Variants in NEGR1 observed in about 807,000 individuals in gnomAD.
NEGR1 encodes the protein IgLON family member 4.
A neutral mutation model predicts 40.9 loss-of-function variants in NEGR1; 10 were observed. The ratio of observed to expected loss-of-function variants is 0.24; its 90% confidence interval spans 0.15 to 0.42. NEGR1 has a LOEUF of 0.42. Ranked by LOEUF, NEGR1 falls within the 10% of genes least tolerant of loss-of-function variation. NEGR1 has a pLI of 1.00. For missense variants in NEGR1, 352 were observed against 438.9 expected (o/e 0.80, Z 1.77); for synonymous variants, 185 against 166.8 (o/e 1.11, Z -0.84).
chr1:72,049,924 G>T (rs889817732), intron 1 of NEGR1, among the ~76,000 whole-genome samples: 1 of 151,574 alleles, frequency 6.6e-6, no homozygotes, highest in Non-Finnish European at 1.5e-5. Flanking sequence ...GTGAAGTAAA[G>T]TACCTGTATT....
intron 1 of NEGR1, among the ~76,000 whole-genome samples, chr1:72,087,456 T>A (rs537481488): frequency 8.9e-4 from 134 of 150,696 alleles, no homozygotes; most frequent in African/African-American, 2.9e-3. Context: ...ATATATATAT[T>A]ATTACTTAAC....
At chr1:71,797,747 A>G (rs1224016405) in intron 2 of NEGR1, among the ~76,000 whole-genome samples, 2 of 152,152 alleles carry the variant, frequency 1.3e-5, no homozygotes, top group East Asian at 3.9e-4. Flanking sequence ...TACATTATAC[A>G]TTAATTTATT....
chr1:72,145,090 A>G (rs1347347583), intron 1 of NEGR1, among the ~76,000 whole-genome samples: 1 of 152,036 alleles, frequency 6.6e-6, no homozygotes, highest in South Asian at 2.1e-4. Flanking sequence ...ATAATAATGA[A>G]TCTGGAGTTT....
At chr1:71,745,879 C>T (rs1385059020) in intron 3 of NEGR1, among the ~76,000 whole-genome samples, 1 of 152,182 alleles carries the variant, frequency 6.6e-6, no homozygotes. Context: ...TCCTGCCTTT[C>T]TGTGTAACAG....
chr1:72,120,649 A>G (rs1438928252), intron 1 of NEGR1, among the ~76,000 whole-genome samples: 1 of 151,852 alleles, frequency 6.6e-6, no homozygotes, highest in African/African-American at 2.4e-5. Flanking sequence ...TCCCAATGCT[A>G]TCCCTCCCCA....
chr1:72,223,501 C>T (rs1341587688), intron 1 of NEGR1, among the ~76,000 whole-genome samples: 1 of 152,154 alleles, frequency 6.6e-6, no homozygotes, highest in Non-Finnish European at 1.5e-5. Context: ...CAGTTCTCTT[C>T]TACATGAAGC....
intron 1 of NEGR1, among the ~76,000 whole-genome samples, chr1:72,264,428 A>G (rs1655569962): frequency 6.6e-6 from 1 of 151,150 alleles, no homozygotes; most frequent in Non-Finnish European, 1.5e-5. Flanking sequence ...TAAAATTTGT[A>G]ATAAATATTT....
chr1:71,432,291 G>T (rs1244157948), intron 6 of NEGR1, among the ~76,000 whole-genome samples: 1 of 152,060 alleles, frequency 6.6e-6, no homozygotes, highest in Non-Finnish European at 1.5e-5. Context: ...ATTAGCAATT[G>T]CTCTTTTTTA....
intron 6 of NEGR1, among the ~76,000 whole-genome samples, chr1:71,449,057 G>A (rs139588364): frequency 1.0e-3 from 152 of 152,236 alleles, no homozygotes; most frequent in African/African-American, 3.3e-3. Flanking sequence ...ACTTTGAGGC[G>A]TGATGACATA....
intron 1 of NEGR1, among the ~76,000 whole-genome samples, chr1:71,989,109 C>T (rs528075415): frequency 2.6e-5 from 4 of 151,902 alleles, no homozygotes; most frequent in South Asian, 4.2e-4. Context: ...TAAATGCCTC[C>T]GGGTTGGTGC....
chr1:72,159,351 A>AC (rs1651473276), intron 1 of NEGR1, among the ~76,000 whole-genome samples: 1 of 152,138 alleles, frequency 6.6e-6, no homozygotes, highest in Admixed American at 6.6e-5. Context: ...TTGATTAAAC[A>AC]CAAGACCCTG....
rs1646212228 is a variant in NEGR1, at chr1:71,396,482, CA to C, written c.*10963del. 6.6e-6 allele frequency: 1 copy of C among 152,196 alleles called. No homozygotes were observed. The highest frequency in any genetic ancestry group is 2.4e-5 in the African/African-American group (1 of 41,454). 9.4% of individuals were successfully genotyped at this position (152,196 alleles called of 1,614,324 possible). A position where few individuals can be genotyped will look rare whatever the true frequency, so the allele number is the denominator to read the frequency against. On this transcript the variant is annotated 3_prime_UTR_variant, in exon 7 of 7. Coordinates refer to ENST00000357731, the MANE Select transcript of NEGR1 (RefSeq NM_173808.3). ...TGATTTTTAAAATTTCCAAAATCAA[CA>C]AATAACAGGTTCTTCTTGAAATGAT...
At chr1:71,884,200 T>C (rs962738070) in intron 2 of NEGR1, among the ~76,000 whole-genome samples, 2 of 152,140 alleles carry the variant, frequency 1.3e-5, no homozygotes, top group African/African-American at 4.8e-5. Context: ...TTCCTCCACT[T>C]GGGTTGTAAG....
At chr1:71,579,474 C>T (rs549018923) in intron 6 of NEGR1, among the ~76,000 whole-genome samples, 1 of 152,066 alleles carries the variant, frequency 6.6e-6, no homozygotes, top group African/African-American at 2.4e-5. Context: ...ACTGGTTAAT[C>T]TTATGTCCCA....
At chr1:71,833,769 T>G (rs1446461334) in intron 2 of NEGR1, among the ~76,000 whole-genome samples, 12 of 152,070 alleles carry the variant, frequency 7.9e-5, no homozygotes, top group Admixed American at 5.9e-4. Flanking sequence ...GTGCCATTCT[T>G]CATGTGCTTA....
chr1:72,253,257 CT>C (rs1466405506), intron 1 of NEGR1, among the ~76,000 whole-genome samples: 1 of 152,108 alleles, frequency 6.6e-6, no homozygotes, highest in African/African-American at 2.4e-5. Flanking sequence ...CATTCTCTCT[CT>C]TTTGGAAATA....
intron 1 of NEGR1, among the ~76,000 whole-genome samples, chr1:72,266,724 A>AC (rs1553155173): frequency 1.2e-4 from 16 of 133,800 alleles, no homozygotes; most frequent in Admixed American, 8.3e-4. Flanking sequence ...TAGACAGATA[A>AC]ACACACACAC....
chr1:72,282,506 C>T lies in NEGR1; in HGVS notation c.-12G>A, dbSNP rs971645719. On this transcript the variant is annotated 5_prime_UTR_variant, in exon 1 of 7. Transcript: ENST00000357731. Reference sequence around the variant, plus strand: ...AGCATCATGTCCATCCCTGCTAGGGCTGCTCACTCTCCAGCAGCTTTCAGC... The same window carrying T: ...AGCATCATGTCCATCCCTGCTAGGGTTGCTCACTCTCCAGCAGCTTTCAGC... 1.9e-6 allele frequency: 3 copies of T among 1,596,018 alleles called. No individual in the cohort carries two copies. Among genetic ancestry groups the T allele is most frequent in the Non-Finnish European group, 2.6e-6 (3 of 1,170,488 alleles).
intron 2 of NEGR1, among the ~76,000 whole-genome samples, chr1:71,928,245 T>TAC (rs1316875044): frequency 7.4e-6 from 1 of 135,458 alleles, no homozygotes; most frequent in Non-Finnish European, 1.6e-5. Flanking sequence ...TATGTATATA[T>TAC]ACACACATAT....
Sources: allele counts gnomAD v4.1 joint callset (sites outside exome capture counted in the v4.1 genomes callset), GRCh38; gene constraint gnomAD v4.1.1; transcripts MANE v1.5; gene names NCBI Gene and HGNC (gene_info 2026-07-23, HGNC 2026-07-21).